The following ZNF804A variants were observed in gnomAD, a reference collection of about 807,000 sequenced individuals.
The protein encoded by ZNF804A is zinc finger protein 804A.
A neutral mutation model predicts 16.5 loss-of-function variants in ZNF804A; 2 were observed. The observed-to-expected ratio is 0.12, with a 90% confidence interval of 0.05 to 0.38. The LOEUF (loss-of-function observed/expected upper bound fraction) is 0.38, where lower values mean the gene tolerates loss of function less well. Ranked by LOEUF, ZNF804A falls within the 10% of genes least tolerant of loss-of-function variation. The pLI is 0.99. For missense variants in ZNF804A, 1,473 were observed against 1,390.7 expected (o/e 1.06, Z -0.94); for synonymous variants, 534 against 489.6 (o/e 1.09, Z -1.20).
At position 184,679,785 on chromosome 2, in the gene ZNF804A, T is replaced by C. The variant is rs948879995; in HGVS notation, c.111+80715T>C. On this transcript the variant is annotated intron_variant, in intron 1 of 3. Coordinates refer to ENST00000302277, the MANE Select transcript of ZNF804A (RefSeq NM_194250.2). ...AGAAGGGGCTAAGGGTGGCTTGTCA[T>C]GGGCTGGGAGGCTCCCCTTGGCAAG... Among the ~76,000 whole-genome samples, 4 of 152,226 alleles carry C rather than the reference T, an allele frequency of 2.6e-5. No individual in the cohort carries two copies. In the East Asian group the frequency reaches 5.8e-4, roughly 22 times the overall value.
At chr2:184,903,517 T>G (rs767021139) in intron 2 of ZNF804A, among the ~76,000 whole-genome samples, 38 of 152,212 alleles carry the variant, frequency 2.5e-4, no homozygotes, top group Non-Finnish European at 4.9e-4. Flanking sequence ...GTAAGTACAC[T>G]CTATTATGGT....
intron 1 of ZNF804A, among the ~76,000 whole-genome samples, chr2:184,823,409 C>T (rs1359089226): frequency 6.6e-6 from 1 of 152,098 alleles, no homozygotes; most frequent in African/African-American, 2.4e-5. Context: ...CATAGAAGTT[C>T]TCTGATCACA....
chr2:184,639,499 ATT>A (rs761283700), intron 1 of ZNF804A, among the ~76,000 whole-genome samples: 1 of 152,058 alleles, frequency 6.6e-6, no homozygotes, highest in Non-Finnish European at 1.5e-5. Context: ...TCCTCGCTCC[ATT>A]TGATATTGAT....
intron 1 of ZNF804A, among the ~76,000 whole-genome samples, chr2:184,621,428 G>A (rs1304378376): frequency 6.6e-6 from 1 of 151,570 alleles, no homozygotes; most frequent in Non-Finnish European, 1.5e-5. Context: ...TGGACAATCC[G>A]ACATAAATGG....
At chr2:184,600,906 G>C (rs1345601879) in intron 1 of ZNF804A, among the ~76,000 whole-genome samples, 1 of 151,956 alleles carries the variant, frequency 6.6e-6, no homozygotes, top group South Asian at 2.1e-4. Context: ...GAGTAAATTG[G>C]GTTCTAAAAA....
chr2:184,682,477 T>TGACTTTTTTTTGC (rs1692558381), intron 1 of ZNF804A, among the ~76,000 whole-genome samples: 1 of 152,198 alleles, frequency 6.6e-6, no homozygotes, highest in South Asian at 2.1e-4. Context: ...ATTTTTTTTG[T>TGACTTTTTTTTGC]GACTTTTTTT....
At chr2:184,896,814 G>A (rs148379145) in intron 2 of ZNF804A, among the ~76,000 whole-genome samples, 1 of 152,094 alleles carries the variant, frequency 6.6e-6, no homozygotes, top group Non-Finnish European at 1.5e-5. Context: ...ATTACAAGTG[G>A]TATTTGCTGT....
At chr2:184,772,628 G>A (rs1053617091) in intron 1 of ZNF804A, among the ~76,000 whole-genome samples, 2 of 151,616 alleles carry the variant, frequency 1.3e-5, no homozygotes, top group African/African-American at 4.8e-5. Context: ...AATCTTTTGA[G>A]TATGTACCTA....
chr2:184,910,640 A>T (rs1574267238), intron 2 of ZNF804A, among the ~76,000 whole-genome samples: 1 of 151,940 alleles, frequency 6.6e-6, no homozygotes, highest in East Asian at 1.9e-4. Context: ...AGAGGCTATT[A>T]TTTTTTGACT....
At chr2:184,932,188 T>C (rs6741619) in intron 2 of ZNF804A, among the ~76,000 whole-genome samples, 150,380 of 152,262 alleles carry the variant, frequency 0.99, 74,289 homozygotes, top group South Asian at 1. Flanking sequence ...CCAACCTCTG[T>C]CTGTTACCCA....
chr2:184,773,021 C>T (rs552980637), intron 1 of ZNF804A, among the ~76,000 whole-genome samples: 1 of 146,864 alleles, frequency 6.8e-6, no homozygotes, highest in Admixed American at 6.8e-5. Context: ...TATATACACA[C>T]ACAAATATAT....
chr2:184,695,436 G>A (rs1559128531), intron 1 of ZNF804A, among the ~76,000 whole-genome samples: 1 of 131,822 alleles, frequency 7.6e-6, no homozygotes, highest in Non-Finnish European at 1.5e-5. Context: ...ACTCCAGTCA[G>A]CCTGGGCGAC....
At chr2:184,780,786 A>G (rs1209780526) in intron 1 of ZNF804A, among the ~76,000 whole-genome samples, 1 of 151,818 alleles carries the variant, frequency 6.6e-6, no homozygotes, top group Non-Finnish European at 1.5e-5. Flanking sequence ...TCTCTTCAAT[A>G]ATGGATTGAG....
At chr2:184,845,566 T>C (rs1459011580) in intron 1 of ZNF804A, among the ~76,000 whole-genome samples, 1 of 152,056 alleles carries the variant, frequency 6.6e-6, no homozygotes, top group Non-Finnish European at 1.5e-5. Context: ...GGTAATAAAT[T>C]CCTTCCCCTG....
At chr2:184,698,527 G>A (rs2105729798) in intron 1 of ZNF804A, among the ~76,000 whole-genome samples, 1 of 152,130 alleles carries the variant, frequency 6.6e-6, no homozygotes, top group South Asian at 2.1e-4. Flanking sequence ...ACACTTAGAT[G>A]GTCTTTAATA....
chr2:184,794,979 C>T (rs868643220), intron 1 of ZNF804A, among the ~76,000 whole-genome samples: 2 of 152,160 alleles, frequency 1.3e-5, no homozygotes, highest in African/African-American at 2.4e-5. Context: ...TAGTGGGGGA[C>T]TTCAGTACTC....
intron 2 of ZNF804A, among the ~76,000 whole-genome samples, chr2:184,879,497 A>C (rs1684772123): frequency 6.6e-6 from 1 of 152,068 alleles, no homozygotes; most frequent in Non-Finnish European, 1.5e-5. Flanking sequence ...ATCAATTTAC[A>C]ACAAACTGAA....
chr2:184,934,010 A>ACCCCATT (rs977940789), intron 3 of ZNF804A, among the ~76,000 whole-genome samples: 1 of 152,116 alleles, frequency 6.6e-6, no homozygotes, highest in African/African-American at 2.4e-5. Flanking sequence ...GTTGAAAGCT[A>ACCCCATT]CCCCATTTCT....
chr2:184,629,594 C>T (rs1691571621), intron 1 of ZNF804A, among the ~76,000 whole-genome samples: 1 of 152,042 alleles, frequency 6.6e-6, no homozygotes, highest in African/African-American at 2.4e-5. Flanking sequence ...AAGTAAAATA[C>T]AGCTTCAGTT....
Sources: gnomAD v4.1 joint callset for allele counts (sites outside exome capture counted in the v4.1 genomes callset) on GRCh38, gnomAD v4.1.1 for gene constraint, MANE v1.5 for transcripts, NCBI Gene and HGNC (gene_info 2026-07-23, HGNC 2026-07-21) for gene names.